RNF150: variants seen among roughly 807,000 people sequenced by gnomAD.
The protein encoded by RNF150 is ring finger protein 150.
RNF150 carries 24 observed loss-of-function variants against 39.3 expected under a neutral mutation model. That is an observed-to-expected ratio of 0.61 (90% CI 0.44 to 0.86). RNF150 has a LOEUF of 0.86. Among genes scored for constraint, RNF150 ranks in the 40% least tolerant of loss-of-function variants. The probability of loss-of-function intolerance (pLI) is 0.00; values close to 1 mark genes in which losing one functional copy is unlikely to be tolerated. For synonymous variants in RNF150, 255 were observed against 227.3 expected, an observed-to-expected ratio of 1.12 and a Z score of -1.10; for missense variants, 502 against 587.8, an observed-to-expected ratio of 0.85 and a Z score of 1.51.
At chr4:141,018,915 T>C (rs1735377630) in intron 1 of RNF150, among the ~76,000 whole-genome samples, 1 of 151,824 alleles carries the variant, frequency 6.6e-6, no homozygotes, top group South Asian at 2.1e-4. Context: ...TTCACTGAAA[T>C]ATTATACAGG....
At chr4:140,988,173 C>T (rs1307595277) in intron 1 of RNF150, among the ~76,000 whole-genome samples, 1 of 152,130 alleles carries the variant, frequency 6.6e-6, no homozygotes, top group African/African-American at 2.4e-5. Context: ...ATTAGTTCAG[C>T]CACTGTGGAA....
intron 1 of RNF150, among the ~76,000 whole-genome samples, chr4:141,000,087 GAGAAGAAGAAGAAGA>G (rs138129349): frequency 2.8e-5 from 1 of 35,902 alleles, no homozygotes; most frequent in Non-Finnish European, 5.3e-5. Context: ...GAAGAAGAAG[GAGAAGAAGAAGAAGA>G]AGAAGAGGAG....
chr4:141,095,462 A>G (rs968489569), intron 1 of RNF150, among the ~76,000 whole-genome samples: 1 of 152,234 alleles, frequency 6.6e-6, no homozygotes, highest in Non-Finnish European at 1.5e-5. Flanking sequence ...TCAACTAGAG[A>G]ATTGATAAAA....
At chr4:140,987,154 A>C (rs1464370213) in intron 1 of RNF150, among the ~76,000 whole-genome samples, 1 of 152,114 alleles carries the variant, frequency 6.6e-6, no homozygotes, top group African/African-American at 2.4e-5. Flanking sequence ...ATGTACATGA[A>C]TTGGAAGAAT....
intron 1 of RNF150, among the ~76,000 whole-genome samples, chr4:141,093,194 A>G (rs4956505): frequency 0.98 from 149,622 of 152,140 alleles, 73,620 homozygotes; most frequent in Middle Eastern, 1. Context: ...GTGAAACCCC[A>G]TCTCTACTAA....
At chr4:141,020,277 TAA>T (rs1412781812) in intron 1 of RNF150, among the ~76,000 whole-genome samples, 3 of 152,150 alleles carry the variant, frequency 2.0e-5, no homozygotes, top group African/African-American at 7.2e-5. Flanking sequence ...TCTTCCCCAA[TAA>T]GAGTTTCATT....
chr4:141,080,846 G>A (rs1192262624), intron 1 of RNF150, among the ~76,000 whole-genome samples: 1 of 152,178 alleles, frequency 6.6e-6, no homozygotes, highest in East Asian at 1.9e-4. Context: ...GTACAGTGAG[G>A]CTGAGGCAGG....
chr4:140,891,805 T>A (rs1432560186), intron 6 of RNF150, among the ~76,000 whole-genome samples: 1 of 152,180 alleles, frequency 6.6e-6, no homozygotes, highest in Non-Finnish European at 1.5e-5. Context: ...TGAGCATTAC[T>A]GCCTGAACTC....
intron 1 of RNF150, among the ~76,000 whole-genome samples, chr4:141,161,989 G>A (rs1380694560): frequency 1.3e-5 from 2 of 152,210 alleles, no homozygotes; most frequent in East Asian, 3.9e-4. Flanking sequence ...TGGGATTGGA[G>A]CCCCAACACA....
chr4:141,035,575 T>A (rs1560701397), intron 1 of RNF150, among the ~76,000 whole-genome samples: 1 of 152,162 alleles, frequency 6.6e-6, no homozygotes, highest in Admixed American at 6.6e-5. Flanking sequence ...AAATGTGTTA[T>A]CAGAACACGA....
chr4:140,934,907 C>T (rs1731777542), intron 4 of RNF150, among the ~76,000 whole-genome samples: 1 of 149,618 alleles, frequency 6.7e-6, no homozygotes, highest in African/African-American at 2.5e-5. Flanking sequence ...ATCTATATTA[C>T]AGGCTGGTCT....
chr4:140,875,313 T>C (rs1729113288), intron 6 of RNF150, among the ~76,000 whole-genome samples: 1 of 152,088 alleles, frequency 6.6e-6, no homozygotes, highest in African/African-American at 2.4e-5. Context: ...GGGCTACCTA[T>C]TGGCATGCAC....
At chr4:141,129,867 T>C (rs1322176909) in intron 1 of RNF150, among the ~76,000 whole-genome samples, 2 of 152,200 alleles carry the variant, frequency 1.3e-5, no homozygotes, top group African/African-American at 4.8e-5. Flanking sequence ...TGCATAACAC[T>C]AAATACAGAC....
At chr4:140,899,332 T>C (rs1310527280) in intron 6 of RNF150, among the ~76,000 whole-genome samples, 1 of 152,208 alleles carries the variant, frequency 6.6e-6, no homozygotes, top group Non-Finnish European at 1.5e-5. Context: ...ATGTAAAACC[T>C]TGCCATATTT....
At chr4:141,202,994 A>G (rs929005668) in intron 1 of RNF150, among the ~76,000 whole-genome samples, 1 of 150,650 alleles carries the variant, frequency 6.6e-6, no homozygotes, top group Non-Finnish European at 1.5e-5. Flanking sequence ...TTTATTTTCA[A>G]TTTTGTTTTA....
chr4:141,149,577 T>C (rs1258703923), intron 1 of RNF150, among the ~76,000 whole-genome samples: 2 of 152,240 alleles, frequency 1.3e-5, no homozygotes, highest in East Asian at 3.8e-4. Flanking sequence ...TGTTCCTTTA[T>C]ATGGCTGAGT....
In RNF150 at chr4:141,163,576, G is replaced by A. The variant is rs576583969; in HGVS notation, c.-6+49218C>T. On this transcript the variant is annotated intron_variant, in intron 1 of 7. Transcript: ENST00000420921. ...AAGCTCCAGCTGGCATCTGGCAGGT[G>A]CCACCCTCGGATGAAGCTTCCAGAG... 5.9e-5 allele frequency among the ~76,000 whole-genome samples: 9 copies of A among 152,322 alleles called. No homozygotes were observed. The South Asian group carries it at 1.7e-3, about 28-fold the overall frequency.
In RNF150 at chr4:141,132,052, C is replaced by T. The variant is rs996731897; in HGVS notation, c.484+273G>A. Among the ~76,000 whole-genome samples, 2 of 152,176 alleles carry T rather than the reference C, an allele frequency of 1.3e-5. No homozygotes were observed. Among genetic ancestry groups the T allele is most frequent in the African/African-American group, 4.8e-5 (2 of 41,444 alleles). On this transcript the variant is annotated intron_variant, in intron 1 of 6. Coordinates refer to ENST00000515673, the MANE Select transcript of RNF150 (RefSeq NM_020724.2). This position sits in a 1 kb window ranked among gnomAD's most constrained non-coding sequence, Gnocchi z 4.9. The stretch of plus-strand genomic sequence containing the variant: ...CTCCAAACCCCACCTTCCAGGTCCC[C>T]CTCGGAAAAGTTAGCCCGCCACGTT...
intron 1 of RNF150, among the ~76,000 whole-genome samples, chr4:141,041,393 C>T (rs1285689196): frequency 6.6e-6 from 1 of 152,026 alleles, no homozygotes; most frequent in Non-Finnish European, 1.5e-5. Context: ...AAGAGAATGC[C>T]ATAGGATGGC....
Sources: allele counts gnomAD v4.1 joint callset (sites outside exome capture counted in the v4.1 genomes callset), GRCh38; gene constraint gnomAD v4.1.1; non-coding constraint Gnocchi (gnomAD v3.1); transcripts MANE v1.5; gene names NCBI Gene and HGNC (gene_info 2026-07-23, HGNC 2026-07-21).